GRIK4: variants seen among roughly 807,000 people sequenced by gnomAD.
GRIK4 encodes glutamate receptor ionotropic, kainate 4.
In GRIK4, 40 loss-of-function variants were observed where a neutral mutation model predicts 104.9. The ratio of observed to expected loss-of-function variants is 0.38; its 90% CI spans 0.30 to 0.50. GRIK4 has a LOEUF of 0.50. GRIK4 is among the 20% of genes least tolerant of loss of function. GRIK4 has a pLI of 0.93. For synonymous variants in GRIK4, 485 were observed against 524.9 expected, an observed-to-expected ratio of 0.92 and a Z score of 1.04; for missense variants, 1,047 against 1,308.1, an observed-to-expected ratio of 0.80 and a Z score of 3.08.
At chr11:120,787,556 C>T (rs1952307167) in intron 3 of GRIK4, among the ~76,000 whole-genome samples, 1 of 151,512 alleles carries the variant, frequency 6.6e-6, no homozygotes, top group African/African-American at 2.4e-5. Flanking sequence ...CCTCTGCCTC[C>T]TGGGTTCAAG....
intron 14 of GRIK4, among the ~76,000 whole-genome samples, chr11:120,951,388 T>C (rs1943997457): frequency 6.6e-6 from 1 of 152,350 alleles, no homozygotes; most frequent in East Asian, 1.9e-4. Context: ...CCCTGGATAA[T>C]GAAAGCTCAG....
chr11:120,527,252 C>G (rs1947866894), intron 1 of GRIK4, among the ~76,000 whole-genome samples: 1 of 152,238 alleles, frequency 6.6e-6, no homozygotes, highest in African/African-American at 2.4e-5. Context: ...CAGGCCTCAG[C>G]TTTCATGGAA....
At position 120,525,836 on chromosome 11, in the gene GRIK4, G is replaced by C. The variant is rs116795593; in HGVS notation, c.-159+13949G>C. On this transcript the variant is annotated intron_variant, in intron 1 of 20. Transcript: ENST00000527524. ...GGGAGGGCTTGGACAGCTGGAGTTA[G>C]AGTCCCTCTCTCTACTCACTGTGCG... Among the ~76,000 whole-genome samples the C allele has an allele frequency of 3.5e-3, 529 of 152,232 alleles. 2 individuals carry two copies. The highest frequency in any genetic ancestry group is 0.012 in the African/African-American group (510 of 41,538).
rs61900873 is a variant in GRIK4, at chr11:120,524,543, T to C, written c.-159+12656T>C. ...ACACCAGGCCTACCTGGACCTTGGCTCCAGGCACTTTACCCCCTCCTCGAA... is the reference window on the plus strand; with the variant it reads ...ACACCAGGCCTACCTGGACCTTGGCCCCAGGCACTTTACCCCCTCCTCGAA... On this transcript the variant is annotated intron_variant, in intron 1 of 20. Coordinates refer to ENST00000527524, the MANE Select transcript of GRIK4 (RefSeq NM_014619.5). The surrounding 1 kb of genome is among the most constrained non-coding windows in gnomAD (Gnocchi z 4.5). Among the ~76,000 whole-genome samples the C allele has an allele frequency of 0.11, 16,351 of 152,162 alleles. 1,148 individuals are homozygous for C. Among genetic ancestry groups the C allele is most frequent in the African/African-American group, 0.2 (8,164 of 41,496 alleles).
intron 18 of GRIK4, 117 bp downstream of exon 18, chr11:120,962,798 A>G: frequency 3.1e-6 from 2 of 654,996 alleles, no homozygotes; most frequent in South Asian, 2.2e-5. Flanking sequence ...CCAGTTTAAC[A>G]GTGACTTTAC....
chr11:120,673,187 G>GA (rs1950048250), intron 3 of GRIK4, among the ~76,000 whole-genome samples: 1 of 152,190 alleles, frequency 6.6e-6, no homozygotes, highest in African/African-American at 2.4e-5. Flanking sequence ...CTCCCATGGG[G>GA]AAAAACCCTT....
At chr11:120,569,176 G>A (rs1172466100) in intron 1 of GRIK4, among the ~76,000 whole-genome samples, 1 of 152,204 alleles carries the variant, frequency 6.6e-6, no homozygotes, top group Non-Finnish European at 1.5e-5. Flanking sequence ...GCAACTGGCA[G>A]TGCTACAAGC....
chr11:120,936,359 C>T, intron 13 of GRIK4: 1 of 465,930 alleles, frequency 2.1e-6, no homozygotes, highest in Admixed American at 2.3e-5. Flanking sequence ...AGATGAAGGT[C>T]AAAGGAGGCC....
chr11:120,597,519 G>A (rs1307091008), intron 1 of GRIK4, among the ~76,000 whole-genome samples: 2 of 152,224 alleles, frequency 1.3e-5, no homozygotes, highest in Non-Finnish European at 2.9e-5. Flanking sequence ...AGGCAGCAGA[G>A]TCTCAGTGTC....
rs1220291405 is a variant in GRIK4 at position 120,815,366 on chromosome 11, C to T, written c.248-12C>T. ...GCTTTGCTTCTTTCCCTGTCCCTGC[C>T]GCTGGCTGCAGTGTGTCAGATCCTC... On this transcript the variant is annotated splice_polypyrimidine_tract_variant and intron_variant, in intron 4 of 20. Coordinates refer to ENST00000527524, the MANE Select transcript of GRIK4 (RefSeq NM_014619.5). The T allele has an allele frequency of 6.0e-6, 9 of 1,493,642 alleles. No individual in the cohort carries two copies. Among genetic ancestry groups the T allele is most frequent in the South Asian group, 1.2e-5 (1 of 82,606 alleles). 92.5% of individuals were successfully genotyped at this position (1,493,642 alleles called of 1,614,324 possible).
intron 1 of GRIK4, among the ~76,000 whole-genome samples, chr11:120,517,133 C>T (rs1015917962): frequency 3.4e-5 from 5 of 149,180 alleles, no homozygotes; most frequent in East Asian, 1.9e-4. Flanking sequence ...CGCCGGGGAC[C>T]GAGCGTGGAG....
In GRIK4 at chr11:120,621,323, G is replaced by A. The variant is rs868097001; in HGVS notation, c.-158-32362G>A. On this transcript the variant is annotated intron_variant, in intron 1 of 20. Transcript: ENST00000527524. ...AAGGCCTGCAAGGCCCCCTGCTAGA[G>A]AAGATCAGGGAATCAGGCACTTGGA... Among the ~76,000 whole-genome samples the A allele has an allele frequency of 5.3e-5, 8 of 152,326 alleles. No homozygotes were observed. The Middle Eastern group carries it at 0.01, about 194-fold the overall frequency.
intron 1 of GRIK4, chr11:120,515,125 C>T (rs918301348): frequency 9.1e-6 from 4 of 440,658 alleles, no homozygotes; most frequent in African/African-American, 2.0e-5. Context: ...TCTTGTCCCC[C>T]CTCCCCTGGC....
intron 1 of GRIK4, among the ~76,000 whole-genome samples, chr11:120,525,272 G>A (rs1171108840): frequency 6.6e-6 from 1 of 152,214 alleles, no homozygotes. Context: ...AGAGAGGGAA[G>A]GAACTTGCCT....
intron 3 of GRIK4, among the ~76,000 whole-genome samples, chr11:120,721,043 AC>A (rs2135375245): frequency 6.6e-6 from 1 of 152,276 alleles, no homozygotes; most frequent in South Asian, 2.1e-4. Flanking sequence ...ACTGAGCAGC[AC>A]CAGTCAGGGT....
Position 120,588,797 on chromosome 11 carries a change from G to A in GRIK4, c.-158-64888G>A, listed in dbSNP as rs541251016. Among the ~76,000 whole-genome samples the A allele has an allele frequency of 5.3e-5, 8 of 152,256 alleles. No individual in the cohort carries two copies. In the South Asian group the frequency reaches 1.5e-3, roughly 28 times the overall value. ...TCTACCCACCAGATGCCAGTAGCAC[G>A]CCCTGTAGCCCCCAATTTGTGATAA... On this transcript the variant is annotated intron_variant, in intron 1 of 20. Coordinates refer to ENST00000527524, the MANE Select transcript of GRIK4 (RefSeq NM_014619.5).
At chr11:120,763,874 A>G (rs1951789897) in intron 3 of GRIK4, among the ~76,000 whole-genome samples, 1 of 152,174 alleles carries the variant, frequency 6.6e-6, no homozygotes, top group Non-Finnish European at 1.5e-5. Context: ...TTATGTGGTC[A>G]ATTTTAGAAT....
At chr11:120,873,410 C>T (rs1477836488) in intron 9 of GRIK4, 1 of 152,300 alleles carries the variant, frequency 6.6e-6, no homozygotes, top group Non-Finnish European at 1.5e-5. Flanking sequence ...CCAGGAAGAC[C>T]TTTGTGGACC....
chr11:120,637,170 A>G (rs1053676150), intron 1 of GRIK4, among the ~76,000 whole-genome samples: 19 of 140,670 alleles, frequency 1.4e-4, no homozygotes, highest in Admixed American at 7.7e-4. Context: ...ATGAACACAT[A>G]TTTTTCCAGA....
Sources: gnomAD v4.1 joint callset for allele counts (sites outside exome capture counted in the v4.1 genomes callset) on GRCh38, gnomAD v4.1.1 for gene constraint, Gnocchi (gnomAD v3.1) non-coding constraint, MANE v1.5 for transcripts, NCBI Gene and HGNC (gene_info 2026-07-23, HGNC 2026-07-21) for gene names.